Variants in LDLRAD4 observed in about 807,000 individuals in gnomAD.
The protein encoded by LDLRAD4 is low density lipoprotein receptor class A domain containing 4, also known as low-density lipoprotein receptor class A domain-containing protein 4.
Under a neutral mutation model 17.0 loss-of-function variants are expected in LDLRAD4, and 5 were observed. The ratio of observed to expected loss-of-function variants is 0.29; its 90% CI spans 0.15 to 0.62. The LOEUF is 0.62. Among genes scored for constraint, LDLRAD4 ranks in the 20% least tolerant of loss-of-function variants. The probability of loss-of-function intolerance (pLI) is 0.84; values close to 1 mark genes in which losing one functional copy is unlikely to be tolerated. For missense variants in LDLRAD4, 340 were observed against 424.7 expected (o/e 0.80, Z 1.75); for synonymous variants, 168 against 171.8 (o/e 0.98, Z 0.17).
intron 3 of LDLRAD4, among the ~76,000 whole-genome samples, chr18:13,599,037 G>A (rs1363969022): frequency 6.6e-6 from 1 of 152,226 alleles, no homozygotes; most frequent in Non-Finnish European, 1.5e-5. Context: ...GGGTGAGGAA[G>A]GGGTAGAACA....
chr18:13,638,663 C>T (rs1173493635), intron 4 of LDLRAD4, among the ~76,000 whole-genome samples: 1 of 152,208 alleles, frequency 6.6e-6, no homozygotes, highest in East Asian at 1.9e-4. Flanking sequence ...TTATAATGGT[C>T]AAACATGAGT....
intron 2 of LDLRAD4, among the ~76,000 whole-genome samples, chr18:13,425,061 T>C (rs2089816185): frequency 1.3e-5 from 2 of 152,206 alleles, no homozygotes; most frequent in Non-Finnish European, 2.9e-5. Flanking sequence ...TGCCAGAAAC[T>C]GTTCTGGGAC....
intron 3 of LDLRAD4, chr18:13,561,728 A>G (rs1341551004): frequency 6.6e-6 from 1 of 152,162 alleles, no homozygotes; most frequent in Admixed American, 6.5e-5. Context: ...CATCTCTTGG[A>G]TGTTGTGGGA....
At chr18:13,377,695 G>T (rs941900087) in intron 1 of LDLRAD4, among the ~76,000 whole-genome samples, 2 of 152,222 alleles carry the variant, frequency 1.3e-5, no homozygotes, top group African/African-American at 4.8e-5. Flanking sequence ...TACTCAGGCA[G>T]TGAGGAGTCA....
chr18:13,617,899 C>T lies in LDLRAD4; in HGVS notation c.182-3218C>T, dbSNP rs189137542. ...CCTGGGACAGCCTAAACGAATGCAGCCTTTACAAAAGGCAGGTTCTCAGTA... is the reference window on the plus strand; with the variant it reads ...CCTGGGACAGCCTAAACGAATGCAGTCTTTACAAAAGGCAGGTTCTCAGTA... On this transcript the variant is annotated intron_variant, in intron 3 of 5. Transcript: ENST00000359446. Among the ~76,000 whole-genome samples the T allele has an allele frequency of 4.6e-5, 7 of 152,290 alleles. No individual in the cohort carries two copies. In the East Asian group the frequency reaches 1.3e-3, roughly 29 times the overall value.
chr18:13,519,347 C>T (rs778060529), intron 3 of LDLRAD4, among the ~76,000 whole-genome samples: 13 of 152,156 alleles, frequency 8.5e-5, no homozygotes, highest in Non-Finnish European at 1.5e-4. Context: ...CCTGGTGTTC[C>T]GGAGGGAGCC....
chr18:13,526,356 A>G (rs1463316103), intron 3 of LDLRAD4: 1 of 152,228 alleles, frequency 6.6e-6, no homozygotes, highest in Admixed American at 6.5e-5. Flanking sequence ...TGGAAAACAT[A>G]TAATGCACTC....
At chr18:13,595,687 C>T (rs1299431838) in intron 3 of LDLRAD4, among the ~76,000 whole-genome samples, 1 of 152,086 alleles carries the variant, frequency 6.6e-6, no homozygotes, top group African/African-American at 2.4e-5. Flanking sequence ...TTGTTTATTG[C>T]TTACATATTT....
At chr18:13,377,873 A>G (rs1444748331) in intron 1 of LDLRAD4, among the ~76,000 whole-genome samples, 3 of 152,210 alleles carry the variant, frequency 2.0e-5, no homozygotes, top group Non-Finnish European at 4.4e-5. Flanking sequence ...TTACTGGAGC[A>G]TTTCTGTCCA....
At chr18:13,644,684 G>T (rs951772372) in intron 5 of LDLRAD4, 23 of 155,972 alleles carry the variant, frequency 1.5e-4, no homozygotes, top group African/African-American at 5.5e-4. Context: ...GAGAAAGCAG[G>T]CAGCCCTGTC....
At chr18:13,326,846 G>A (rs535504085) in intron 1 of LDLRAD4, among the ~76,000 whole-genome samples, 1 of 152,042 alleles carries the variant, frequency 6.6e-6, no homozygotes, top group African/African-American at 2.4e-5. Context: ...TTGGCTCACT[G>A]CAAGCTCCGC....
rs528863890 is a variant in LDLRAD4, at chr18:13,247,381, C to T, written c.-467+28393C>T. ...ATTAACGTTGGTAGAAAACTGCTAACGAAAACCATAGACTTGACTTGAATT... is the reference window on the plus strand; with the variant it reads ...ATTAACGTTGGTAGAAAACTGCTAATGAAAACCATAGACTTGACTTGAATT... On this transcript the variant is annotated intron_variant, in intron 1 of 5. Coordinates refer to the LDLRAD4 transcript ENST00000399848. 7.2e-5 allele frequency among the ~76,000 whole-genome samples: 11 copies of T among 152,278 alleles called. No homozygotes were observed. In the East Asian group the frequency reaches 1.3e-3, roughly 19 times the overall value.
intron 2 of LDLRAD4, among the ~76,000 whole-genome samples, chr18:13,411,070 G>A (rs548928103): frequency 1.3e-5 from 2 of 152,254 alleles, no homozygotes; most frequent in South Asian, 4.1e-4. Flanking sequence ...GGGCAACATA[G>A]CAAAATCCCG....
At chr18:13,360,728 G>A (rs189477475) in intron 1 of LDLRAD4, among the ~76,000 whole-genome samples, 27 of 152,322 alleles carry the variant, frequency 1.8e-4, no homozygotes, top group African/African-American at 6.3e-4. Context: ...TGAGATGCAG[G>A]GCAATTGGCC....
At chr18:13,459,578 T>C (rs1294847382) in intron 3 of LDLRAD4, among the ~76,000 whole-genome samples, 1 of 152,076 alleles carries the variant, frequency 6.6e-6, no homozygotes, top group Non-Finnish European at 1.5e-5. Flanking sequence ...AGATGGGGTT[T>C]CACCATGTTG....
At chr18:13,375,240 G>A (rs2144950580) in intron 1 of LDLRAD4, among the ~76,000 whole-genome samples, 1 of 152,326 alleles carries the variant, frequency 6.6e-6, no homozygotes, top group South Asian at 2.1e-4. Flanking sequence ...GGTGGAAAAG[G>A]AGGAGAAAAG....
At chr18:13,394,850 T>C (rs1484770216) in intron 2 of LDLRAD4, among the ~76,000 whole-genome samples, 5 of 152,260 alleles carry the variant, frequency 3.3e-5, no homozygotes, top group Admixed American at 1.3e-4. Context: ...GTTGTAGTTA[T>C]CCCTGAAATG....
At chr18:13,401,043 G>C (rs1396330486) in intron 2 of LDLRAD4, among the ~76,000 whole-genome samples, 2 of 152,188 alleles carry the variant, frequency 1.3e-5, no homozygotes, top group African/African-American at 4.8e-5. Context: ...GCAAGAGATG[G>C]GGGGAATGGC....
chr18:13,272,508 C>T (rs1478807057), intron 1 of LDLRAD4, among the ~76,000 whole-genome samples: 1 of 152,254 alleles, frequency 6.6e-6, no homozygotes, highest in Non-Finnish European at 1.5e-5. Flanking sequence ...CACAGCGAGA[C>T]AGCTGCCAGA....
Sources: gnomAD v4.1 joint callset for allele counts (sites outside exome capture counted in the v4.1 genomes callset) on GRCh38, gnomAD v4.1.1 for gene constraint, MANE v1.5 for transcripts, NCBI Gene and HGNC (gene_info 2026-07-23, HGNC 2026-07-21) for gene names.